RARRES1: variants seen among roughly 807,000 people sequenced by gnomAD.
RARRES1 encodes the protein retinoic acid receptor responder 1.
RARRES1 carries 34 observed loss-of-function variants against 30.6 expected under a neutral mutation model. The observed-to-expected ratio is 1.11, with a 90% CI of 0.84 to 1.48. The LOEUF is 1.48. RARRES1 is among the 40% of genes most tolerant of loss of function. The pLI is 0.00. For missense variants in RARRES1, 373 were observed against 386.5 expected, an observed-to-expected ratio of 0.97 and a Z score of 0.29; for synonymous variants, 153 against 155.5, an observed-to-expected ratio of 0.98 and a Z score of 0.12.
At chr3:158,710,688 A>C in intron 3 of RARRES1, 50 bp downstream of exon 3, 1 of 1,475,116 alleles carries the variant, frequency 6.8e-7, no homozygotes, top group Non-Finnish European at 9.3e-7. Flanking sequence ...TTAAGGATTT[A>C]GTTATTACAT....
In RARRES1 at chr3:158,732,139, C is replaced by T; in HGVS notation, c.276+1G>A. 1 of 1,371,752 alleles carries T rather than the reference C, an allele frequency of 7.3e-7. No individual in the cohort carries two copies. The highest frequency in any genetic ancestry group is 9.3e-7 in the Non-Finnish European group (1 of 1,070,682). 85.0% of individuals were successfully genotyped at this position (1,371,752 alleles called of 1,614,324 possible). The stretch of plus-strand genomic sequence containing the variant: ...GCCCCGGCGCGTCGCTCCGCACTCA[C>T]CCACGCGCGGCCCTCCTGCACCTCG... On this transcript the variant is annotated splice_donor_variant, in intron 1 of 5. Transcript: ENST00000237696. LOFTEE classifies it high-confidence loss of function.
chr3:158,732,425 A>G lies in RARRES1; in HGVS notation c.-10T>C, dbSNP rs1727948564. ...GCCGGCGGGGCTGCATGGACGCAGG[A>G]AAGTTGGCTCGGCACCCGACAGACA... is the stretch of plus-strand genomic sequence containing the variant. On this transcript the variant is annotated 5_prime_UTR_variant, in exon 1 of 6. Transcript: ENST00000237696. The G allele has an allele frequency of 9.2e-6, 14 of 1,516,476 alleles. No homozygotes were observed. The highest frequency in any genetic ancestry group is 1.7e-4 in the Middle Eastern group (1 of 5,744). 93.9% of individuals were successfully genotyped at this position (1,516,476 alleles called of 1,614,324 possible).
intron 1 of RARRES1, 89 bp downstream of exon 1, chr3:158,732,051 G>T: frequency 8.3e-7 from 1 of 1,198,904 alleles, no homozygotes; most frequent in Non-Finnish European, 1.1e-6. Context: ...CCATCCGTTG[G>T]GCCGGCAGGC....
intron 2 of RARRES1, among the ~76,000 whole-genome samples, chr3:158,712,825 C>G (rs528332349): frequency 6.6e-6 from 1 of 152,320 alleles, no homozygotes; most frequent in East Asian, 1.9e-4. Flanking sequence ...CTTAATGCAT[C>G]TACAGGATCA....
intron 1 of RARRES1, among the ~76,000 whole-genome samples, chr3:158,729,960 T>C (rs946126249): frequency 6.6e-6 from 1 of 152,154 alleles, no homozygotes; most frequent in Admixed American, 6.5e-5. Context: ...AGGTCCGTTA[T>C]CTCACTGCTC....
rs149843268 is a variant in RARRES1, at chr3:158,725,522, C to T, written c.276+6618G>A. On this transcript the variant is annotated intron_variant, in intron 1 of 5. Coordinates refer to ENST00000237696, the MANE Select transcript of RARRES1 (RefSeq NM_206963.2). The stretch of plus-strand genomic sequence containing the variant: ...TCTGGCAGTTAACAGTCATGACCCA[C>T]CACTGCCGGTCTTGATGTGGGACAT... Among the ~76,000 whole-genome samples, 68 of 152,310 alleles carry T rather than the reference C, an allele frequency of 4.5e-4. 2 individuals carry two copies. The East Asian group carries it at 0.012, about 27-fold the overall frequency.
intron 4 of RARRES1, among the ~76,000 whole-genome samples, chr3:158,702,989 C>T (rs1726787418): frequency 6.6e-6 from 1 of 152,148 alleles, no homozygotes; most frequent in South Asian, 2.1e-4. Flanking sequence ...TGGGTAAATC[C>T]TGTACTCAGA....
intron 1 of RARRES1, among the ~76,000 whole-genome samples, chr3:158,727,101 C>T (rs1029924539): frequency 4.6e-5 from 7 of 152,204 alleles, no homozygotes; most frequent in African/African-American, 1.7e-4. Context: ...ACCACACTTC[C>T]TGGGGAGCCT....
intron 3 of RARRES1, among the ~76,000 whole-genome samples, chr3:158,708,745 AC>A (rs2108136643): frequency 6.6e-6 from 1 of 152,036 alleles, no homozygotes; most frequent in South Asian, 2.1e-4. Flanking sequence ...GCTCACTGCA[AC>A]CTCTGACTCC....
chr3:158,701,790 A>C (rs1449592177), intron 4 of RARRES1, among the ~76,000 whole-genome samples: 1 of 152,202 alleles, frequency 6.6e-6, no homozygotes, highest in Non-Finnish European at 1.5e-5. Context: ...CTCTAAGCTG[A>C]AATGCGTGTC....
Position 158,723,691 on chromosome 3 carries a change from G to A in RARRES1, c.276+8449C>T, listed in dbSNP as rs1727586256. ...CCACGTTCTTGATTTGGGGTAGGAA[G>A]CGAGTGGAAGTGGCCAGAGGCAGCT... On this transcript the variant is annotated intron_variant, in intron 1 of 5. Coordinates refer to ENST00000237696, the MANE Select transcript of RARRES1 (RefSeq NM_206963.2). The surrounding 1 kb of genome is among the most constrained non-coding windows in gnomAD (Gnocchi z 4.4). Among the ~76,000 whole-genome samples the A allele has an allele frequency of 1.3e-5, 2 of 152,204 alleles. No individual in the cohort carries two copies. Among genetic ancestry groups the A allele is most frequent in the Non-Finnish European group, 2.9e-5 (2 of 68,030 alleles).
intron 1 of RARRES1, among the ~76,000 whole-genome samples, chr3:158,714,863 G>C (rs949251425): frequency 6.6e-6 from 1 of 152,176 alleles, no homozygotes; most frequent in Admixed American, 6.5e-5. Context: ...GCATCTTAGC[G>C]TAGCAATTCA....
rs536812797 is a variant in RARRES1, at chr3:158,732,236, C to G, written c.180G>C (p.Gln60His). The change falls in exon 1 of 6, where the codon CAG becomes CAC. Residue 60 changes from glutamine to histidine, a missense_variant. Coordinates refer to ENST00000237696, the MANE Select transcript of RARRES1 (RefSeq NM_206963.2). ...QDAGVPRRLLQQAARAALHFF... is the reference protein window; with the variant it reads ...QDAGVPRRLLHQAARAALHFF... Reference sequence around the variant, plus strand: ...AGTGAAGCGCCGCGCGCGCCGCCTGCTGCAGGAGCCTGCGCGGGACCCCAG... The same window carrying G: ...AGTGAAGCGCCGCGCGCGCCGCCTGGTGCAGGAGCCTGCGCGGGACCCCAG... 7.2e-7 allele frequency: 1 copy of G among 1,390,360 alleles called. No homozygotes were observed. Among genetic ancestry groups the G allele is most frequent in the South Asian group, 1.6e-5 (1 of 60,864 alleles). The allele number at this position is 1,390,360 out of a possible 1,614,324, so 86.1% of individuals were successfully genotyped here.
chr3:158,732,229 C>A lies in RARRES1; in HGVS notation c.187G>T (p.Ala63Ser), dbSNP rs1189611084. The change falls in exon 1 of 6, where the codon GCG becomes TCG. Residue 63 changes from alanine (A) to serine (S), a missense_variant. Coordinates refer to ENST00000237696, the MANE Select transcript of RARRES1 (RefSeq NM_206963.2). ...TTGAAGAAGTGAAGCGCCGCGCGCG[C>A]CGCCTGCTGCAGGAGCCTGCGCGGG... is the stretch of plus-strand genomic sequence containing the variant. ...GVPRRLLQQA[A>S]RAALHFFNFR... 10 of 1,400,892 alleles carry A rather than the reference C, an allele frequency of 7.1e-6. No individual in the cohort carries two copies. In the African/African-American group the frequency reaches 1.5e-4, roughly 21 times the overall value. 86.8% of individuals were successfully genotyped at this position (1,400,892 alleles called of 1,614,324 possible).
intron 4 of RARRES1, 117 bp from the exon 5 acceptor site, chr3:158,698,087 A>G: frequency 1.4e-6 from 1 of 697,804 alleles, no homozygotes; most frequent in Admixed American, 3.3e-5. Context: ...TTTCGATTTC[A>G]GCCTCACGGT....
At position 158,730,367 on chromosome 3, in the gene RARRES1, CCTT is replaced by C. The variant is rs1727836752; in HGVS notation, c.276+1770_276+1772del. Among the ~76,000 whole-genome samples the C allele has an allele frequency of 1.5e-3, 70 of 46,766 alleles. 1 individual carries two copies. The highest frequency in any genetic ancestry group is 4.1e-3 in the African/African-American group (32 of 7,782). The allele number at this position is 46,766 out of a possible 152,430, so 30.7% of individuals were successfully genotyped here. A position where few individuals can be genotyped will look rare whatever the true frequency, so the allele number is the denominator to read the frequency against. On this transcript the variant is annotated intron_variant, in intron 1 of 5. Transcript: ENST00000237696. ...AGACAGGTGACAAGAATAGGTTGCTCCTTCCTTCCTTCCTTCCTTCCTTCCTTC... is the reference window on the plus strand; with the variant it reads ...AGACAGGTGACAAGAATAGGTTGCTCCCTTCCTTCCTTCCTTCCTTCCTTC...
intron 1 of RARRES1, among the ~76,000 whole-genome samples, chr3:158,730,731 C>T (rs952096825): frequency 6.6e-6 from 1 of 152,070 alleles, no homozygotes; most frequent in Non-Finnish European, 1.5e-5. Context: ...AGATTACAGG[C>T]GTGAGCCACC....
chr3:158,711,681 T>C (rs2108139600), intron 2 of RARRES1, among the ~76,000 whole-genome samples: 1 of 150,902 alleles, frequency 6.6e-6, no homozygotes, highest in South Asian at 2.1e-4. Flanking sequence ...CTGCAACCTC[T>C]GCCTCCTGGG....
chr3:158,731,622 C>T (rs1345923917), intron 1 of RARRES1, among the ~76,000 whole-genome samples: 1 of 152,196 alleles, frequency 6.6e-6, no homozygotes, highest in Non-Finnish European at 1.5e-5. Flanking sequence ...ACCACATTAC[C>T]CCGAAGCCCT....
Sources: gnomAD v4.1 joint callset for allele counts (sites outside exome capture counted in the v4.1 genomes callset) on GRCh38, gnomAD v4.1.1 for gene constraint, Gnocchi (gnomAD v3.1) non-coding constraint, MANE v1.5 for transcripts, NCBI Gene and HGNC (gene_info 2026-07-23, HGNC 2026-07-21) for gene names.